The following SCYL3 variants were observed in gnomAD, a reference collection of about 807,000 sequenced individuals.
SCYL3 encodes SCY1 like pseudokinase 3, also known as protein-associating with the carboxyl-terminal domain of ezrin.
SCYL3 carries 35 observed loss-of-function variants against 73.8 expected under a neutral mutation model. The observed-to-expected ratio is 0.47, with a 90% confidence interval of 0.36 to 0.63. SCYL3 has a LOEUF of 0.63. SCYL3 is among the 20% of genes least tolerant of loss of function. The pLI is 0.00. For synonymous variants in SCYL3, 277 were observed against 295.2 expected, an observed-to-expected ratio of 0.94 and a Z score of 0.63; for missense variants, 712 against 798.9, an observed-to-expected ratio of 0.89 and a Z score of 1.31.
chr1:169,860,951 A>C (rs1027462464), intron 10 of SCYL3, among the ~76,000 whole-genome samples: 1 of 152,222 alleles, frequency 6.6e-6, no homozygotes, highest in Admixed American at 6.5e-5. Context: ...GCAGTTTCCT[A>C]AGTAATGAGA....
intron 8 of SCYL3, among the ~76,000 whole-genome samples, chr1:169,865,768 G>T (rs1659991793): frequency 1.3e-5 from 2 of 152,120 alleles, no homozygotes; most frequent in Admixed American, 6.5e-5. Flanking sequence ...ACTACTAAAT[G>T]AACAGGTACC....
At chr1:169,887,583 T>C (rs1347428197) in intron 2 of SCYL3, among the ~76,000 whole-genome samples, 1 of 152,044 alleles carries the variant, frequency 6.6e-6, no homozygotes. Flanking sequence ...TTTTGTAAAA[T>C]CACAATAAAA....
In SCYL3 at chr1:169,854,901, G is replaced by A. The variant is rs372432501; in HGVS notation, c.1376C>T (p.Ser459Leu). The A allele has an allele frequency of 1.5e-5, 25 of 1,613,506 alleles. No homozygotes were observed. Among genetic ancestry groups the A allele is most frequent in the African/African-American group, 1.5e-4 (11 of 74,834 alleles). ...TGATGGGAAGTTTTCACTGTCCTCCGAAGTATTTTTTACATCTGAGAGTCC... is the reference window on the plus strand; with the variant it reads ...TGATGGGAAGTTTTCACTGTCCTCCAAAGTATTTTTTACATCTGAGAGTCC... Reference protein sequence around the residue: ...INGLSDVKNTSEDSENFPSSS... With the variant: ...INGLSDVKNTLEDSENFPSSS... The change falls in exon 12 of 13, where the codon TCG (serine) becomes TTG (leucine). Residue 459 changes from serine to leucine, a missense_variant. Physicochemically the swap from Ser to Leu is moderately radical, Grantham distance 145. This residue lies in a region of SCYL3 where 370 missense variants were observed against 350.8 expected (regional missense o/e 1.05). Transcript: ENST00000367771.
chr1:169,878,864 C>A, intron 2 of SCYL3, 45 bp from the exon 3 acceptor site: 1 of 1,524,884 alleles, frequency 6.6e-7, no homozygotes, highest in South Asian at 1.2e-5. Context: ...GACCCCAAAC[C>A]AGATTATAGT....
At chr1:169,856,840 T>G (rs1405691661) in intron 11 of SCYL3, among the ~76,000 whole-genome samples, 1 of 152,192 alleles carries the variant, frequency 6.6e-6, no homozygotes, top group African/African-American at 2.4e-5. Context: ...AAGGAAGAGG[T>G]GAACGCTCTT....
At chr1:169,862,468 T>G (rs80321263) in intron 10 of SCYL3, 145 bp downstream of exon 10, 14,497 of 831,388 alleles carry the variant, frequency 0.017, 782 homozygotes, top group African/African-American at 0.13. Flanking sequence ...GGAATGGAAA[T>G]GCAATTTTAA....
intron 9 of SCYL3, among the ~76,000 whole-genome samples, chr1:169,863,585 A>G (rs1659817757): frequency 6.6e-6 from 1 of 152,208 alleles, no homozygotes; most frequent in African/African-American, 2.4e-5. Context: ...AAAAATATGT[A>G]TACCTATGTC....
Position 169,852,003 on chromosome 1 carries a change from G to A in SCYL3, c.*1710C>T, listed in dbSNP as rs576159482. On this transcript the variant is annotated 3_prime_UTR_variant, in exon 13 of 13. Coordinates refer to ENST00000367771, the MANE Select transcript of SCYL3 (RefSeq NM_020423.7). ...AATTCTGCCCTTTTTACTTACTGACGAAACAAACCAGTGTGGTTTCCAGCC... is the reference window on the plus strand; with the variant it reads ...AATTCTGCCCTTTTTACTTACTGACAAAACAAACCAGTGTGGTTTCCAGCC... The A allele has an allele frequency of 3.1e-5, 49 of 1,606,552 alleles. No homozygotes were observed. Among genetic ancestry groups the A allele is most frequent in the Non-Finnish European group, 3.8e-5 (45 of 1,174,808 alleles).
Position 169,864,515 on chromosome 1 carries a change from A to G in SCYL3, c.816-7T>C, listed in dbSNP as rs1289225880. 3 of 1,581,284 alleles carry G rather than the reference A, an allele frequency of 1.9e-6. No homozygotes were observed. Among genetic ancestry groups the G allele is most frequent in the Non-Finnish European group, 2.6e-6 (3 of 1,168,462 alleles). ...GACTCTGTCCAGCAGAAATCTGAGG[A>G]CAAAAAGGGAAAGCCCAGGAAACTG... is the stretch of plus-strand genomic sequence containing the variant. On this transcript the variant is annotated splice_region_variant and splice_polypyrimidine_tract_variant and intron_variant, in intron 8 of 12. Coordinates refer to ENST00000367771, the MANE Select transcript of SCYL3 (RefSeq NM_020423.7).
intron 10 of SCYL3, among the ~76,000 whole-genome samples, chr1:169,861,473 A>G (rs1207687307): frequency 6.6e-6 from 1 of 152,226 alleles, no homozygotes; most frequent in Non-Finnish European, 1.5e-5. Context: ...CCCTTCCAAG[A>G]TACCAAGGAG....
intron 5 of SCYL3, among the ~76,000 whole-genome samples, chr1:169,872,334 G>A (rs1488791534): frequency 6.6e-6 from 1 of 152,268 alleles, no homozygotes; most frequent in African/African-American, 2.4e-5. Flanking sequence ...TGTTGAGCCT[G>A]CAAGTGCACA....
intron 4 of SCYL3, among the ~76,000 whole-genome samples, chr1:169,875,510 G>A (rs561968274): frequency 7.2e-5 from 11 of 152,158 alleles, no homozygotes; most frequent in Non-Finnish European, 8.8e-5. Flanking sequence ...GTATGAAATT[G>A]GGCAACTCGG....
At chr1:169,882,085 C>T (rs1411153442) in intron 2 of SCYL3, among the ~76,000 whole-genome samples, 5 of 152,202 alleles carry the variant, frequency 3.3e-5, no homozygotes, top group Non-Finnish European at 7.3e-5. Context: ...GGAGCCGGTT[C>T]CCTCAGCTTG....
chr1:169,892,262 T>G (rs1662140687), intron 1 of SCYL3, among the ~76,000 whole-genome samples: 1 of 152,210 alleles, frequency 6.6e-6, no homozygotes, highest in Non-Finnish European at 1.5e-5. Context: ...TTGTTTGTTT[T>G]TTGTTTTAAA....
intron 2 of SCYL3, among the ~76,000 whole-genome samples, chr1:169,880,558 A>G (rs1470500940): frequency 1.3e-5 from 2 of 148,660 alleles, no homozygotes; most frequent in Admixed American, 1.3e-4. Context: ...AGCAAAAGTA[A>G]CCTTCAGAGG....
intron 5 of SCYL3, among the ~76,000 whole-genome samples, chr1:169,872,880 G>A (rs1660512628): frequency 6.6e-6 from 1 of 152,160 alleles, no homozygotes; most frequent in South Asian, 2.1e-4. Context: ...TACCCCCATT[G>A]TATCTAGGAA....
intron 9 of SCYL3, among the ~76,000 whole-genome samples, 159 bp downstream of exon 9, chr1:169,864,210 C>T (rs1659863439): frequency 6.6e-6 from 1 of 152,194 alleles, no homozygotes; most frequent in South Asian, 2.1e-4. Context: ...CTCTGGTACC[C>T]AGGTTTGAAT....
At position 169,850,205 on chromosome 1, in the gene SCYL3, A is replaced by G. The variant is rs913647870; in HGVS notation, c.*3508T>C. The G allele has an allele frequency of 4.4e-6, 5 of 1,140,996 alleles. No individual in the cohort carries two copies. Among genetic ancestry groups the G allele is most frequent in the East Asian group, 2.4e-5 (1 of 41,962 alleles). The allele number at this position is 1,140,996 out of a possible 1,614,324, so 70.7% of individuals were successfully genotyped here. The stretch of plus-strand genomic sequence containing the variant: ...TTAAGGTAGCTCATAAAACTCATCT[A>G]TTTGTCTTTGCAAGTTGTTGAAATG... On this transcript the variant is annotated 3_prime_UTR_variant, in exon 13 of 13. Coordinates refer to ENST00000367771, the MANE Select transcript of SCYL3 (RefSeq NM_020423.7).
Position 169,851,994 on chromosome 1 carries a change from C to T in SCYL3, c.*1719G>A, listed in dbSNP as rs16862714. The stretch of plus-strand genomic sequence containing the variant: ...AACAAGGCAAATTCTGCCCTTTTTA[C>T]TTACTGACGAAACAAACCAGTGTGG... On this transcript the variant is annotated 3_prime_UTR_variant, in exon 13 of 13. Coordinates refer to ENST00000367771, the MANE Select transcript of SCYL3 (RefSeq NM_020423.7). 23,457 of 1,611,530 alleles carry T rather than the reference C, an allele frequency of 0.015. 1,692 individuals are homozygous for T. In the East Asian group the frequency reaches 0.24, roughly 17 times the overall value.
Sources: allele counts gnomAD v4.1 joint callset (sites outside exome capture counted in the v4.1 genomes callset), GRCh38; gene constraint gnomAD v4.1.1; regional missense constraint gnomAD v4.1.1; transcripts MANE v1.5; gene names NCBI Gene and HGNC (gene_info 2026-07-23, HGNC 2026-07-21).